NIN: variants seen among roughly 807,000 people sequenced by gnomAD.
NIN encodes ninein.
A neutral mutation model predicts 257.6 loss-of-function variants in NIN; 137 were observed. That is an observed-to-expected ratio of 0.53 (90% confidence interval 0.46 to 0.61). NIN has a LOEUF of 0.61. Ranked by LOEUF, NIN falls within the 20% of genes least tolerant of loss-of-function variation. The pLI is 0.00. For synonymous variants in NIN, 918 were observed against 919.8 expected (o/e 1.00, Z 0.04); for missense variants, 2,439 against 2,501.2 (o/e 0.98, Z 0.53).
intron 9 of NIN, 36 bp downstream of exon 9, chr14:50,772,265 C>A (rs557741816): frequency 6.5e-7 from 1 of 1,548,320 alleles, no homozygotes; most frequent in Admixed American, 1.8e-5. Flanking sequence ...CAACCCTTCT[C>A]CAGTTTGTCA....
At position 50,729,633 on chromosome 14, in the gene NIN, G is replaced by A. The variant is rs751960037; in HGVS notation, c.5968C>T (p.Pro1990Ser). The A allele has an allele frequency of 3.7e-6, 6 of 1,613,894 alleles. No homozygotes were observed. The Admixed American group carries it at 5.0e-5, about 13-fold the overall frequency. Residue 1990 changes from proline to serine, a missense_variant, in exon 29 of 31, where the codon CCC (proline) becomes TCC (serine). Pro to Ser is a moderately conservative substitution (Grantham distance 74). Transcript: ENST00000530997. Reference protein sequence around the residue: ...LLQQQACPMVPREQFLQLQRQ... With the variant: ...LLQQQACPMVSREQFLQLQRQ... ...TGAAGCTGCAGAAACTGCTCCCTGG[G>A]CACCATCGGACAGGCTTGCTGCTGG...
rs1007858192 is a variant in NIN at position 50,721,422 on chromosome 14, G to A, written c.*2041C>T. ...ACAACAACCGTGATCACATGCTAAGGCCAGCTATCTGGGAAATATTATTGT... is the reference window on the plus strand; with the variant it reads ...ACAACAACCGTGATCACATGCTAAGACCAGCTATCTGGGAAATATTATTGT... On this transcript the variant is annotated 3_prime_UTR_variant, in exon 31 of 31. Transcript: ENST00000530997. 9.3e-6 allele frequency: 2 copies of A among 215,930 alleles called. No homozygotes were observed. The highest frequency in any genetic ancestry group is 1.9e-5 in the Non-Finnish European group (2 of 107,208). The allele number at this position is 215,930 out of a possible 1,614,324, so 13.4% of individuals were successfully genotyped here. A position where few individuals can be genotyped will look rare whatever the true frequency, so the allele number is the denominator to read the frequency against.
At chr14:50,812,360 C>T (rs2044672046) in intron 3 of NIN, among the ~76,000 whole-genome samples, 1 of 152,192 alleles carries the variant, frequency 6.6e-6, no homozygotes, top group African/African-American at 2.4e-5. Flanking sequence ...GGCCCACTTC[C>T]CTCTTGGTCT....
chr14:50,744,807 G>C lies in NIN; in HGVS notation c.5065-442C>G, dbSNP rs563011444. Among the ~76,000 whole-genome samples, 8 of 152,226 alleles carry C rather than the reference G, an allele frequency of 5.3e-5. No homozygotes were observed. In the East Asian group the frequency reaches 7.7e-4, roughly 15 times the overall value. ...TAATTAGCCAGGCGTGGTGGTGCATGCCTGTAATCCTGGCTACTCAGGAGG... is the reference window on the plus strand; with the variant it reads ...TAATTAGCCAGGCGTGGTGGTGCATCCCTGTAATCCTGGCTACTCAGGAGG... On this transcript the variant is annotated intron_variant, in intron 22 of 30. Transcript: ENST00000530997.
chr14:50,758,016 C>G lies in NIN; in HGVS notation c.3014G>C (p.Arg1005Thr). The change falls in exon 18 of 31, where the codon AGA (arginine) becomes ACA (threonine). Residue 1005 changes from arginine (R) to threonine (T), a missense_variant. By Grantham distance (71) the Arg-to-Thr change is moderately conservative. Transcript: ENST00000530997. ...GGAGATTTCTGTGCTCATCTCGGCTCTTTCTCGATCTGCTGTCTCACAGGT... is the reference window on the plus strand; with the variant it reads ...GGAGATTTCTGTGCTCATCTCGGCTGTTTCTCGATCTGCTGTCTCACAGGT... ...KATCETADRE[R>T]AEMSTEISRL... 6.2e-7 allele frequency: 1 copy of G among 1,614,224 alleles called. No individual in the cohort carries two copies. Among genetic ancestry groups the G allele is most frequent in the Admixed American group, 1.7e-5 (1 of 60,030 alleles).
At chr14:50,801,676 T>C (rs1288948255) in intron 4 of NIN, among the ~76,000 whole-genome samples, 1 of 152,212 alleles carries the variant, frequency 6.6e-6, no homozygotes, top group Admixed American at 6.5e-5. Context: ...CAAGGCACAA[T>C]TGCTGAGTAA....
Position 50,758,156 on chromosome 14 carries a change from T to C in NIN, c.2874A>G (p.Ala958=). The C allele has an allele frequency of 6.2e-7, 1 of 1,614,218 alleles. No individual in the cohort carries two copies. The highest frequency in any genetic ancestry group is 8.5e-7 in the Non-Finnish European group (1 of 1,180,024). The part of the protein sequence containing the change: ...LREREEVLCQ[A]GASEQLASQR... ...GGCTGGCCAGCTGCTCCGAAGCCCC[T>C]GCCTGGCACAGGACCTCCTCACGCT... is the stretch of plus-strand genomic sequence containing the variant. Residue 958 remains alanine, a synonymous_variant, in exon 18 of 31, where the codon GCA becomes GCG. Coordinates refer to ENST00000530997, the MANE Select transcript of NIN (RefSeq NM_020921.4).
intron 2 of NIN, among the ~76,000 whole-genome samples, chr14:50,823,847 G>A (rs1307667098): frequency 6.6e-6 from 1 of 152,220 alleles, no homozygotes; most frequent in Admixed American, 6.5e-5. Flanking sequence ...TTCAAAATAA[G>A]TTGAGAGTGT....
At chr14:50,772,678 G>A (rs1160286163) in intron 8 of NIN, among the ~76,000 whole-genome samples, 2 of 152,192 alleles carry the variant, frequency 1.3e-5, no homozygotes, top group African/African-American at 4.8e-5. Context: ...AGAGTTCTAT[G>A]ACATAGACGA....
In NIN at chr14:50,763,826, C is replaced by T; in HGVS notation, c.1774G>A (p.Gly592Arg). 6.2e-7 allele frequency: 1 copy of T among 1,613,604 alleles called. No homozygotes were observed. Among genetic ancestry groups the T allele is most frequent in the Non-Finnish European group, 8.5e-7 (1 of 1,179,744 alleles). The stretch of plus-strand genomic sequence containing the variant: ...CTACAGCCTGTCCGAATGTGTTTAC[C>T]GTGTTCGGGCTCAATGCCACCGCTG... Reference protein sequence around the residue: ...ANSGGIEPEHGLGSEECNPLN... With the variant: ...ANSGGIEPEHRLGSEECNPLN... The change falls in exon 15 of 31, where the codon GGG (glycine) becomes AGG (arginine). Residue 592 changes from glycine (G) to arginine (R), a missense_variant and splice_region_variant. Transcript: ENST00000530997.
At chr14:50,764,685 CATT>C (rs2042404093) in intron 14 of NIN, among the ~76,000 whole-genome samples, 1 of 151,978 alleles carries the variant, frequency 6.6e-6, no homozygotes, top group Non-Finnish European at 1.5e-5. Context: ...ACTTTAAAAA[CATT>C]ATGTTAAATG....
intron 3 of NIN, among the ~76,000 whole-genome samples, chr14:50,818,247 C>T (rs1473067262): frequency 2.0e-5 from 3 of 148,264 alleles, no homozygotes; most frequent in East Asian, 2.0e-4. Flanking sequence ...GGCGTGAACC[C>T]GGGAGGCGGA....
intron 3 of NIN, among the ~76,000 whole-genome samples, chr14:50,815,907 G>T (rs1401942852): frequency 6.6e-6 from 1 of 152,172 alleles, no homozygotes; most frequent in Non-Finnish European, 1.5e-5. Flanking sequence ...TACTCGGGAG[G>T]CTGAGGCAGA....
chr14:50,793,003 A>G (rs2142030909), intron 4 of NIN, 122 bp from the exon 5 acceptor site: 4 of 975,746 alleles, frequency 4.1e-6, no homozygotes, highest in African/African-American at 3.2e-5. Flanking sequence ...CTGTTTGCCA[A>G]TTGTGGTGGC....
intron 24 of NIN, chr14:50,741,938 G>T (rs982919435): frequency 2.0e-6 from 1 of 496,306 alleles, no homozygotes; most frequent in Non-Finnish European, 3.5e-6. Flanking sequence ...GATGAACTAT[G>T]TCTGGAGCAA....
At chr14:50,725,804 G>C in intron 30 of NIN, 149 bp downstream of exon 30, 1 of 1,445,106 alleles carries the variant, frequency 6.9e-7, no homozygotes, top group Non-Finnish European at 9.4e-7. Flanking sequence ...ATGAGGGATA[G>C]CAAATCCTAA....
rs531043816 is a variant in NIN, at chr14:50,720,232, T to G, written c.*3231A>C. On this transcript the variant is annotated 3_prime_UTR_variant, in exon 31 of 31. Transcript: ENST00000530997. ...GGCATTACTTGTATAATTATATCAT[T>G]CCAATGAGTCACTACAGGTAATCCA... is the stretch of plus-strand genomic sequence containing the variant. The G allele has an allele frequency of 1.3e-4, 30 of 222,730 alleles. 1 individual carries two copies. The South Asian group carries it at 5.0e-3, about 37-fold the overall frequency. The allele number at this position is 222,730 out of a possible 1,614,324, so 13.8% of individuals were successfully genotyped here.
In NIN at chr14:50,757,333, T is replaced by C; in HGVS notation, c.3697A>G (p.Lys1233Glu). ...DLLFDVSVLK[K>E]KLKMLERIPE... The stretch of plus-strand genomic sequence containing the variant: ...ATTCTCTCAAGCATCTTCAGTTTCT[T>C]TTTTAGCACAGAAACATCAAAAAGT... Residue 1233 changes from lysine to glutamate, a missense_variant, in exon 18 of 31, where the codon AAG (lysine) becomes GAG (glutamate). By Grantham distance (56) the Lys-to-Glu change is moderately conservative (BLOSUM62 1). Around this residue, in one of 3 missense-constraint regions of NIN, gnomAD observed 2,043 missense variants for 2,050.2 expected, o/e 1.00. Transcript: ENST00000530997. 3.1e-6 allele frequency: 5 copies of C among 1,613,862 alleles called. No homozygotes were observed. Among genetic ancestry groups the C allele is most frequent in the Non-Finnish European group, 4.2e-6 (5 of 1,179,956 alleles).
chr14:50,771,098 C>T (rs1392424537), intron 10 of NIN, 106 bp from the exon 11 acceptor site: 9 of 1,377,488 alleles, frequency 6.5e-6, no homozygotes, highest in Non-Finnish European at 8.8e-6. Flanking sequence ...AAAACCAAGA[C>T]AACCAAAACC....
Sources: gnomAD v4.1 joint callset for allele counts (sites outside exome capture counted in the v4.1 genomes callset) on GRCh38, gnomAD v4.1.1 for gene constraint, gnomAD v4.1.1 regional missense constraint, MANE v1.5 for transcripts, NCBI Gene and HGNC (gene_info 2026-07-23, HGNC 2026-07-21) for gene names.